ZNF454: variants seen among roughly 807,000 people sequenced by gnomAD.
ZNF454 encodes zinc finger protein 454.
Under a neutral mutation model 48.2 loss-of-function variants are expected in ZNF454, and 30 were observed. The ratio of observed to expected loss-of-function variants is 0.62; its 90% confidence interval spans 0.47 to 0.84. ZNF454 has a LOEUF of 0.84. ZNF454 is among the 40% of genes least tolerant of loss of function. ZNF454 has a pLI of 0.00. For synonymous variants in ZNF454, 204 were observed against 211.4 expected (o/e 0.97, Z 0.30); for missense variants, 510 against 623.1 (o/e 0.82, Z 1.93).
the ZNF454 span, chr5:178,978,604 A>G: frequency 1.3e-5 from 2 of 152,262 alleles, no homozygotes; most frequent in Admixed American, 1.3e-4. Flanking sequence ...CTTACATCAG[A>G]ACGTAATCTT....
chr5:178,949,295 GC>G (rs781520534), intron 4 of ZNF454, among the ~76,000 whole-genome samples: 2 of 151,192 alleles, frequency 1.3e-5, no homozygotes, highest in East Asian at 3.9e-4. Flanking sequence ...CTGGTGATCC[GC>G]CCCCCTCAGC....
chr5:178,969,164 T>C (rs944468744), downstream of ZNF454, among the ~76,000 whole-genome samples: 5 of 152,294 alleles, frequency 3.3e-5, no homozygotes, highest in South Asian at 1.0e-3. Context: ...CTGCACGGCC[T>C]TCTCGACTAG....
chr5:178,943,959 G>A (rs1041513432), intron 2 of ZNF454, among the ~76,000 whole-genome samples: 46 of 152,136 alleles, frequency 3.0e-4, no homozygotes, highest in Admixed American at 1.4e-3. Flanking sequence ...CCCAGGAGGC[G>A]GAGCTTGCAG....
At chr5:178,960,261 C>CTT (rs546306673) in intron 4 of ZNF454, among the ~76,000 whole-genome samples, 24 of 129,346 alleles carry the variant, frequency 1.9e-4, no homozygotes, top group African/African-American at 4.7e-4. Flanking sequence ...CATTCCTTTT[C>CTT]TTTTTTTTTT....
intron 4 of ZNF454, among the ~76,000 whole-genome samples, chr5:178,952,618 G>A (rs1268725993): frequency 1.3e-5 from 2 of 152,116 alleles, no homozygotes; most frequent in Non-Finnish European, 2.9e-5. Flanking sequence ...TCGGTGTCCT[G>A]TTTAAATCAT....
intron 4 of ZNF454, among the ~76,000 whole-genome samples, chr5:178,964,161 C>T (rs969745230): frequency 2.0e-5 from 3 of 151,420 alleles, no homozygotes; most frequent in African/African-American, 4.8e-5. Flanking sequence ...CACTCTGTCA[C>T]CCAGGCTGGA....
chr5:178,986,980 CT>C, the ZNF454 span: 2 of 1,613,434 alleles, frequency 1.2e-6, no homozygotes, highest in African/African-American at 2.7e-5. Context: ...GGTTCCTGCG[CT>C]GCCTGGAGAG....
intron 4 of ZNF454, among the ~76,000 whole-genome samples, chr5:178,956,523 A>AG (rs1417057202): frequency 1.3e-5 from 2 of 149,404 alleles, no homozygotes; most frequent in East Asian, 1.9e-4. Flanking sequence ...TGAAAAGAAA[A>AG]AAAAAAAAAA....
the ZNF454 span, chr5:178,981,431 G>A: frequency 7.7e-6 from 4 of 521,000 alleles, no homozygotes; most frequent in South Asian, 2.6e-5. The surrounding 1 kb of genome is among the most constrained non-coding windows in gnomAD (Gnocchi z 5.1). Context: ...CCCACCATGG[G>A]AAGCGAGTCT....
At chr5:178,984,572 G>A in the ZNF454 span, among the ~76,000 whole-genome samples, 2 of 152,238 alleles carry the variant, frequency 1.3e-5, no homozygotes, top group Admixed American at 6.5e-5. Flanking sequence ...GAGGAGAGCT[G>A]GGGGTCCCCA....
chr5:178,986,819 G>T, the ZNF454 span: 6 of 1,613,162 alleles, frequency 3.7e-6, no homozygotes, highest in Non-Finnish European at 5.1e-6. Context: ...CCCACCTGGG[G>T]CTCGGTCTGC....
rs1198889211 is a variant in ZNF454, at chr5:178,965,976, T to C, written c.*3T>C. On this transcript the variant is annotated 3_prime_UTR_variant, in exon 5 of 5. Coordinates refer to ENST00000519564, the MANE Select transcript of ZNF454 (RefSeq NM_001178089.3). The surrounding 1 kb of genome is among the most constrained non-coding windows in gnomAD (Gnocchi z 5.2). ...GACATCATATTGGAGAGAAGTGATA[T>C]GAATGCAGTTTGTATGGAAGACCTT... is the stretch of plus-strand genomic sequence containing the variant. 1.9e-6 allele frequency: 3 copies of C among 1,552,826 alleles called. No homozygotes were observed. The highest frequency in any genetic ancestry group is 2.3e-5 in the East Asian group (1 of 44,352).
the ZNF454 span, chr5:178,982,944 G>C: frequency 6.2e-7 from 1 of 1,614,166 alleles, no homozygotes; most frequent in East Asian, 2.2e-5. Context: ...AAAGAAGATG[G>C]GCACGAATGC....
intron 4 of ZNF454, among the ~76,000 whole-genome samples, chr5:178,958,069 G>A (rs547343078): frequency 5.9e-5 from 9 of 152,020 alleles, no homozygotes; most frequent in African/African-American, 1.7e-4. Context: ...TTTGAAAGCC[G>A]TCCCCTAGAT....
intron 2 of ZNF454, among the ~76,000 whole-genome samples, chr5:178,943,315 C>T (rs1451564919): frequency 6.6e-6 from 1 of 152,126 alleles, no homozygotes; most frequent in Non-Finnish European, 1.5e-5. Flanking sequence ...GTGTATCACA[C>T]GGTGAGAAAG....
chr5:178,956,681 T>G (rs1195896916), intron 4 of ZNF454, among the ~76,000 whole-genome samples: 1 of 102,660 alleles, frequency 9.7e-6, no homozygotes, highest in African/African-American at 3.3e-5. Flanking sequence ...TTTAATTTAT[T>G]TATTTATTTA....
chr5:178,965,579 CT>C lies in ZNF454; in HGVS notation c.1178del (p.Phe393SerfsTer35). Reference protein sequence around the residue: ...KPYKCNECGKAFRDNSSFARH... With the variant: ...KPYKCNECGKXFRDNSSFARH... ...TATAAATGTAATGAATGTGGGAAAG[CT>C]TTCAGGGATAATTCATCCTTTGCAC... On this transcript the variant is annotated frameshift_variant, in exon 5 of 5. Coordinates refer to ENST00000519564, the MANE Select transcript of ZNF454 (RefSeq NM_001178089.3). LOFTEE classifies it high-confidence loss of function. This position sits in a 1 kb window ranked among gnomAD's most constrained non-coding sequence, Gnocchi z 5.2. The C allele has an allele frequency of 6.2e-7, 1 of 1,614,172 alleles. No homozygotes were observed. The highest frequency in any genetic ancestry group is 8.5e-7 in the Non-Finnish European group (1 of 1,180,022).
chr5:178,986,621 C>T, the ZNF454 span: 14 of 1,603,280 alleles, frequency 8.7e-6, no homozygotes, highest in Admixed American at 1.7e-5. Flanking sequence ...AAGCGGTACC[C>T]GTCACAGGCC....
chr5:178,967,724 TTTTTTC>T (rs1304367565), downstream of ZNF454, among the ~76,000 whole-genome samples: 1 of 137,192 alleles, frequency 7.3e-6, no homozygotes, highest in African/African-American at 2.7e-5. Flanking sequence ...CCTGTTTTTT[TTTTTTC>T]TTTTTCTTTT....
Sources: gnomAD v4.1 joint callset for allele counts (sites outside exome capture counted in the v4.1 genomes callset) on GRCh38, gnomAD v4.1.1 for gene constraint, Gnocchi (gnomAD v3.1) non-coding constraint, MANE v1.5 for transcripts, NCBI Gene and HGNC (gene_info 2026-07-23, HGNC 2026-07-21) for gene names.